Variants in THSD7B observed in about 807,000 individuals in gnomAD.
THSD7B encodes the protein thrombospondin type-1 domain-containing protein 7B.
THSD7B carries 138 observed loss-of-function variants against 213.6 expected under a neutral mutation model. The observed-to-expected ratio is 0.65, with a 90% CI of 0.56 to 0.74. The LOEUF (loss-of-function observed/expected upper bound fraction) is 0.74, where lower values mean the gene tolerates loss of function less well. Among genes scored for constraint, THSD7B ranks in the 30% least tolerant of loss-of-function variants. The probability of loss-of-function intolerance (pLI) is 0.00; values close to 1 mark genes in which losing one functional copy is unlikely to be tolerated. For missense variants in THSD7B, 1,931 were observed against 1,991.5 expected (o/e 0.97, Z 0.58); for synonymous variants, 742 against 687.0 (o/e 1.08, Z -1.25).
At chr2:137,493,880 A>G (rs1284352176) in intron 15 of THSD7B, among the ~76,000 whole-genome samples, 2 of 152,212 alleles carry the variant, frequency 1.3e-5, no homozygotes, top group Admixed American at 1.3e-4. Context: ...TGTCGTTTGG[A>G]AAGTGATGCT....
At chr2:136,950,162 G>C (rs1172799451) in intron 2 of THSD7B, among the ~76,000 whole-genome samples, 2 of 152,184 alleles carry the variant, frequency 1.3e-5, no homozygotes, top group Non-Finnish European at 2.9e-5. Flanking sequence ...TGAGGCAGGA[G>C]AATTGCTTGA....
intron 12 of THSD7B, among the ~76,000 whole-genome samples, chr2:137,362,580 C>T (rs182976178): frequency 6.6e-6 from 1 of 152,114 alleles, no homozygotes; most frequent in African/African-American, 2.4e-5. Context: ...GCAGGGGTTG[C>T]AATCCTCGTC....
intron 5 of THSD7B, among the ~76,000 whole-genome samples, chr2:137,120,489 A>T (rs1688526811): frequency 6.6e-6 from 1 of 150,782 alleles, no homozygotes; most frequent in Non-Finnish European, 1.5e-5. Context: ...AGAAAGGAAG[A>T]GGGAGAATGG....
intron 3 of THSD7B, among the ~76,000 whole-genome samples, chr2:137,070,576 T>A (rs954323630): frequency 2.0e-5 from 3 of 151,890 alleles, no homozygotes; most frequent in Admixed American, 1.3e-4. Context: ...TTTATTATTA[T>A]TATACTTTAA....
chr2:137,186,712 A>G (rs1463099037), intron 7 of THSD7B, among the ~76,000 whole-genome samples: 3 of 152,082 alleles, frequency 2.0e-5, no homozygotes, highest in Non-Finnish European at 2.9e-5. Flanking sequence ...TTGGTTCCAG[A>G]TGAATTTTAG....
intron 5 of THSD7B, among the ~76,000 whole-genome samples, chr2:137,129,298 G>C (rs1323367646): frequency 1.3e-5 from 2 of 152,050 alleles, no homozygotes; most frequent in Admixed American, 6.6e-5. Flanking sequence ...TTTCTCATTA[G>C]TAGAGGGGTA....
rs201127163 is a variant in THSD7B at position 137,616,234 on chromosome 2, C to T, written c.3483C>T (p.Asn1161=). Residue 1161 remains asparagine (N), a synonymous_variant, in exon 18 of 28, where the codon AAC becomes AAT. Transcript: ENST00000409968. ...GCCACCTGCTAAGACCATCACTGAA[C>T]TCAAGGACTTGTGCTGAAGACTCAC... ...RTRHLLRPSL[N]SRTCAEDSQV... 2.4e-5 allele frequency: 38 copies of T among 1,613,856 alleles called. No homozygotes were observed. The East Asian group carries it at 7.6e-4, about 32-fold the overall frequency.
rs756724318 is a variant in THSD7B at position 137,056,992 on chromosome 2, G to A, written c.712G>A (p.Glu238Lys). ...APISCPLGEE[E>K]YTFSLKVGPW... ...CATTTCCTGTCCTCTTGGGGAAGAGGAATATACATTTAGCCTTAAGGTTGG... is the reference window on the plus strand; with the variant it reads ...CATTTCCTGTCCTCTTGGGGAAGAGAAATATACATTTAGCCTTAAGGTTGG... The change falls in exon 3 of 28, where the codon GAA becomes AAA. Residue 238 changes from glutamate (E) to lysine (K), a missense_variant. Glu to Lys is a moderately conservative substitution (Grantham distance 56). Transcript: ENST00000409968. 7 of 1,613,744 alleles carry A rather than the reference G, an allele frequency of 4.3e-6. No individual in the cohort carries two copies. The highest frequency in any genetic ancestry group is 5.1e-6 in the Non-Finnish European group (6 of 1,179,876).
At chr2:137,581,785 A>T (rs201360745) in intron 17 of THSD7B, among the ~76,000 whole-genome samples, 27,470 of 145,442 alleles carry the variant, frequency 0.19, 2,602 homozygotes, top group Middle Eastern at 0.28. Flanking sequence ...AAAAAAAAAA[A>T]TAATAATAAA....
intron 12 of THSD7B, among the ~76,000 whole-genome samples, chr2:137,395,489 A>G (rs1489778774): frequency 6.6e-6 from 1 of 151,218 alleles, no homozygotes; most frequent in Non-Finnish European, 1.5e-5. Flanking sequence ...ATATTGAACC[A>G]GCCTTGCATC....
intron 2 of THSD7B, among the ~76,000 whole-genome samples, chr2:136,931,750 T>A (rs1466458213): frequency 2.6e-5 from 4 of 152,088 alleles, no homozygotes; most frequent in Non-Finnish European, 4.4e-5. Context: ...ACATTAACAA[T>A]GAAAAAAGTA....
chr2:137,614,219 T>G (rs1280015425), intron 17 of THSD7B, among the ~76,000 whole-genome samples: 1 of 152,204 alleles, frequency 6.6e-6, no homozygotes, highest in Non-Finnish European at 1.5e-5. Context: ...ATCAGACTTA[T>G]ACACATATGG....
At chr2:137,479,036 A>G (rs929807440) in intron 15 of THSD7B, among the ~76,000 whole-genome samples, 2 of 152,206 alleles carry the variant, frequency 1.3e-5, no homozygotes, top group Non-Finnish European at 2.9e-5. Context: ...TTGGGCGTCC[A>G]CATAACTTGC....
chr2:137,419,230 T>G (rs897539881), intron 14 of THSD7B, among the ~76,000 whole-genome samples: 2 of 151,296 alleles, frequency 1.3e-5, no homozygotes, highest in Non-Finnish European at 2.9e-5. Flanking sequence ...TGATGCAGGA[T>G]TTTTCTTGGC....
At chr2:136,848,973 T>A (rs990807344) in intron 1 of THSD7B, among the ~76,000 whole-genome samples, 1 of 152,166 alleles carries the variant, frequency 6.6e-6, no homozygotes, top group East Asian at 1.9e-4. Context: ...ATGGCATCTC[T>A]GAGTATTCTA....
At chr2:137,172,399 G>C (rs1424570159) in intron 7 of THSD7B, among the ~76,000 whole-genome samples, 1 of 152,166 alleles carries the variant, frequency 6.6e-6, no homozygotes, top group Non-Finnish European at 1.5e-5. Flanking sequence ...AGGGGCTGGA[G>C]ATTGGGTTAA....
At chr2:137,272,261 T>G (rs1307051025) in intron 10 of THSD7B, among the ~76,000 whole-genome samples, 1 of 152,096 alleles carries the variant, frequency 6.6e-6, no homozygotes, top group Non-Finnish European at 1.5e-5. Context: ...CATAAAACTT[T>G]TATGCCATTG....
chr2:137,517,334 G>T (rs1027161148), intron 15 of THSD7B, among the ~76,000 whole-genome samples: 1 of 152,234 alleles, frequency 6.6e-6, no homozygotes, highest in Non-Finnish European at 1.5e-5. Flanking sequence ...TGAGCAAGAA[G>T]TAACAAACAC....
chr2:137,463,361 T>C (rs1687926736), intron 15 of THSD7B, among the ~76,000 whole-genome samples: 1 of 152,146 alleles, frequency 6.6e-6, no homozygotes, highest in Non-Finnish European at 1.5e-5. Context: ...TCCATGCATG[T>C]ATTTTTATAC....
Sources: gnomAD v4.1 joint callset for allele counts (sites outside exome capture counted in the v4.1 genomes callset) on GRCh38, gnomAD v4.1.1 for gene constraint, MANE v1.5 for transcripts, NCBI Gene and HGNC (gene_info 2026-07-23, HGNC 2026-07-21) for gene names.